The following MOBP variants were observed in gnomAD, a reference collection of about 807,000 sequenced individuals.
The protein encoded by MOBP is myelin associated oligodendrocyte basic protein.
A neutral mutation model predicts 15.0 loss-of-function variants in MOBP; 5 were observed. The ratio of observed to expected loss-of-function variants is 0.33; its 90% CI spans 0.17 to 0.70. The LOEUF (loss-of-function observed/expected upper bound fraction) is 0.70. MOBP is among the 30% of genes least tolerant of loss of function. The pLI is 0.67. For synonymous variants in MOBP, 88 were observed against 99.0 expected, an observed-to-expected ratio of 0.89 and a Z score of 0.66; for missense variants, 188 against 257.8, an observed-to-expected ratio of 0.73 and a Z score of 1.85.
chr3:39,474,675 T>C (rs995538316), intron 1 of MOBP, among the ~76,000 whole-genome samples: 1 of 152,222 alleles, frequency 6.6e-6, no homozygotes, highest in Non-Finnish European at 1.5e-5. Flanking sequence ...CATTAAATTT[T>C]AATACTACAT....
chr3:39,513,303 C>T, intron 4 of MOBP: 1 of 1,291,810 alleles, frequency 7.7e-7, no homozygotes, highest in South Asian at 1.3e-5. Flanking sequence ...CACAATTATA[C>T]TAACTGAACA....
chr3:39,518,554 CTATT>C (rs2043229152), downstream of MOBP, among the ~76,000 whole-genome samples: 1 of 152,186 alleles, frequency 6.6e-6, no homozygotes, highest in Non-Finnish European at 1.5e-5. Context: ...GGGCCATTCT[CTATT>C]AATGAAACCA....
exon 5 of MOBP, chr3:39,513,430 G>T: frequency 6.2e-7 from 1 of 1,613,962 alleles, no homozygotes; most frequent in African/African-American, 1.3e-5. Flanking sequence ...TGACCAAGGA[G>T]GAGTTTAAAC....
chr3:39,499,145 GC>G (rs1203101327), intron 2 of MOBP, among the ~76,000 whole-genome samples: 1 of 152,166 alleles, frequency 6.6e-6, no homozygotes, highest in African/African-American at 2.4e-5. Flanking sequence ...GTCTCCATGT[GC>G]TGGGCACCTG....
intron 1 of MOBP, among the ~76,000 whole-genome samples, chr3:39,468,062 A>ATGCTGC (rs752003359): frequency 6.7e-6 from 1 of 150,152 alleles, no homozygotes; most frequent in African/African-American, 2.5e-5. Flanking sequence ...ATGGTAGTAC[A>ATGCTGC]TGCTGCTGCT....
intron 2 of MOBP, among the ~76,000 whole-genome samples, chr3:39,483,499 T>A (rs2125634586): frequency 6.6e-6 from 1 of 152,344 alleles, no homozygotes; most frequent in South Asian, 2.1e-4. Context: ...TTAGTAGCTA[T>A]CACCACTCAC....
rs1222817401 is a variant in MOBP, at chr3:39,490,941, C to T, written c.-5+10818C>T. Among the ~76,000 whole-genome samples, 15 of 152,134 alleles carry T rather than the reference C, an allele frequency of 9.9e-5. No individual in the cohort carries two copies. In the East Asian group the frequency reaches 2.3e-3, roughly 23 times the overall value. On this transcript the variant is annotated intron_variant, in intron 2 of 3. Transcript: ENST00000684792. ...GTTTTGAGAAATTACAGCCATGTAC[C>T]GGAAGGAATTAGGAAAAAGGAAAGG...
chr3:39,511,732 T>TAA (rs1284576519), intron 4 of MOBP, among the ~76,000 whole-genome samples: 1 of 152,168 alleles, frequency 6.6e-6, no homozygotes, highest in Non-Finnish European at 1.5e-5. Context: ...CAGAGAATCT[T>TAA]ACACTCATCC....
chr3:39,485,687 C>T (rs1201132181), intron 2 of MOBP, among the ~76,000 whole-genome samples: 1 of 152,202 alleles, frequency 6.6e-6, no homozygotes, highest in Non-Finnish European at 1.5e-5. Flanking sequence ...GTGGGCGTTC[C>T]TCTCACCAAG....
At chr3:39,481,939 C>G (rs1432945548) in intron 2 of MOBP, among the ~76,000 whole-genome samples, 1 of 152,180 alleles carries the variant, frequency 6.6e-6, no homozygotes, top group Non-Finnish European at 1.5e-5. Flanking sequence ...TCCCATTCAG[C>G]CATCAAAGCA....
chr3:39,511,565 C>T (rs2043119850), intron 4 of MOBP, among the ~76,000 whole-genome samples: 1 of 152,152 alleles, frequency 6.6e-6, no homozygotes, highest in Non-Finnish European at 1.5e-5. Flanking sequence ...CCTGGCATAG[C>T]CCTCTGACTT....
At chr3:39,520,789 GTC>G (rs1417124039), downstream of MOBP, among the ~76,000 whole-genome samples, 2 of 152,026 alleles carry the variant, frequency 1.3e-5, no homozygotes, top group African/African-American at 4.8e-5. Context: ...CCTCAGGATG[GTC>G]TTTGCCCATG....
downstream of MOBP, chr3:39,529,383 A>G (rs1353294490): frequency 1.3e-5 from 2 of 152,232 alleles, no homozygotes; most frequent in African/African-American, 2.4e-5. Context: ...TTGCACTAAA[A>G]CAACCAAATA....
intron 2 of MOBP, chr3:39,500,001 ATG>A: frequency 2.2e-6 from 1 of 455,832 alleles, no homozygotes; most frequent in Non-Finnish European, 4.4e-6. Flanking sequence ...GCACATTCTC[ATG>A]TTGCAGAGCA....
At chr3:39,508,860 C>A (rs1437764719) in intron 4 of MOBP, among the ~76,000 whole-genome samples, 3 of 151,950 alleles carry the variant, frequency 2.0e-5, no homozygotes, top group African/African-American at 7.3e-5. Flanking sequence ...ACATTTTAAT[C>A]TCTTTCACAA....
chr3:39,491,261 G>A (rs963537165), intron 2 of MOBP, among the ~76,000 whole-genome samples: 1 of 152,110 alleles, frequency 6.6e-6, no homozygotes, highest in African/African-American at 2.4e-5. Flanking sequence ...AGTGTGGTAC[G>A]GATTATAACA....
At chr3:39,505,655 T>A (rs1213736515), downstream of MOBP, among the ~76,000 whole-genome samples, 1 of 152,240 alleles carries the variant, frequency 6.6e-6, no homozygotes, top group Non-Finnish European at 1.5e-5. Context: ...GAGCTGTGTG[T>A]TGTTTTGGAG....
chr3:39,474,540 T>G (rs1334604215), intron 1 of MOBP, among the ~76,000 whole-genome samples: 1 of 152,218 alleles, frequency 6.6e-6, no homozygotes. Context: ...CTGGGGCCAC[T>G]GTTGTTTAAA....
At chr3:39,519,884 C>T (rs980402975), downstream of MOBP, among the ~76,000 whole-genome samples, 4 of 151,960 alleles carry the variant, frequency 2.6e-5, no homozygotes, top group African/African-American at 9.7e-5. Flanking sequence ...GTACTGCCAC[C>T]TCTTTCTCTT....
Sources: allele counts gnomAD v4.1 joint callset (sites outside exome capture counted in the v4.1 genomes callset), GRCh38; gene constraint gnomAD v4.1.1; transcripts MANE v1.5; gene names NCBI Gene and HGNC (gene_info 2026-07-23, HGNC 2026-07-21).